ZSCAN31: variants seen among roughly 807,000 people sequenced by gnomAD.
The protein encoded by ZSCAN31 is zinc finger and SCAN domain-containing protein 31.
Under a neutral mutation model 22.5 loss-of-function variants are expected in ZSCAN31, and 14 were observed. That is an observed-to-expected ratio of 0.62 (90% CI 0.41 to 0.97). The LOEUF (loss-of-function observed/expected upper bound fraction) is 0.97, where lower values mean the gene tolerates loss of function less well. Among genes scored for constraint, ZSCAN31 ranks in the 50% least tolerant of loss-of-function variants. The pLI, the probability that ZSCAN31 is intolerant of heterozygous loss-of-function variation, is 0.00. For missense variants in ZSCAN31, 424 were observed against 483.4 expected, an observed-to-expected ratio of 0.88 and a Z score of 1.15; for synonymous variants, 168 against 169.8, an observed-to-expected ratio of 0.99 and a Z score of 0.08.
At chr6:28,344,394 G>T (rs1055630499) in intron 2 of ZSCAN31, among the ~76,000 whole-genome samples, 2 of 152,136 alleles carry the variant, frequency 1.3e-5, no homozygotes, top group Admixed American at 1.3e-4. Context: ...AGATGTGTGT[G>T]GTATGTTCAG....
In ZSCAN31 at chr6:28,347,962, T is replaced by G. The variant is rs145790190; in HGVS notation, c.-371+5900A>C. On this transcript the variant is annotated intron_variant, in intron 2 of 7. Transcript: ENST00000396838. The surrounding 1 kb of genome is among the most constrained non-coding windows in gnomAD (Gnocchi z 5.2). ...GATTTAAAATTTGCCTTTATTTAAT[T>G]GCTAATGATTAACTGTATATGCTAT... Among the ~76,000 whole-genome samples the G allele has an allele frequency of 0.013, 1,986 of 152,340 alleles. 47 individuals carry two copies. Among genetic ancestry groups the G allele is most frequent in the African/African-American group, 0.044 (1,832 of 41,570 alleles).
intron 2 of ZSCAN31, 26 bp downstream of exon 2, chr6:28,329,277 C>G: frequency 6.5e-7 from 1 of 1,543,638 alleles, no homozygotes; most frequent in Non-Finnish European, 8.7e-7. Context: ...TATTTAATGT[C>G]TAGAAGTCCA....
chr6:28,327,672 T>C, intron 2 of ZSCAN31, 139 bp from the exon 3 acceptor site: 1 of 1,019,338 alleles, frequency 9.8e-7, no homozygotes, highest in Non-Finnish European at 1.4e-6. Flanking sequence ...GTTTAATTCA[T>C]TACCCAAAAG....
intron 1 of ZSCAN31, among the ~76,000 whole-genome samples, chr6:28,334,490 C>G (rs751018093): frequency 3.3e-5 from 5 of 152,162 alleles, no homozygotes; most frequent in Non-Finnish European, 4.4e-5. Context: ...ACAACAGCAA[C>G]AAAGAGATCA....
At chr6:28,328,527 A>C (rs1763487138) in intron 2 of ZSCAN31, among the ~76,000 whole-genome samples, 1 of 152,234 alleles carries the variant, frequency 6.6e-6, no homozygotes, top group African/African-American at 2.4e-5. Context: ...TCAGAATTTA[A>C]GGTTATCTCT....
chr6:28,332,382 CT>C (rs1763820237), intron 1 of ZSCAN31: 1 of 152,200 alleles, frequency 6.6e-6, no homozygotes, highest in Admixed American at 6.5e-5. Flanking sequence ...GGAACAAATA[CT>C]TGATAGACAT....
chr6:28,333,340 T>C lies in ZSCAN31; in HGVS notation c.-96+2742A>G, dbSNP rs1309631868. On this transcript the variant is annotated intron_variant, in intron 1 of 3. Transcript: ENST00000344279. The surrounding 1 kb of genome is among the most constrained non-coding windows in gnomAD (Gnocchi z 4.1). ...TCAATAAATGTTCATTGAGCACTCA[T>C]AACATACCAGGTACTTGGCTGGGCA... is the stretch of plus-strand genomic sequence containing the variant. Among the ~76,000 whole-genome samples, 1 of 152,174 alleles carries C rather than the reference T, an allele frequency of 6.6e-6. No homozygotes were observed. The highest frequency in any genetic ancestry group is 2.4e-5 in the African/African-American group (1 of 41,430).
At chr6:28,344,762 G>T (rs1468080827) in intron 2 of ZSCAN31, among the ~76,000 whole-genome samples, 1 of 152,082 alleles carries the variant, frequency 6.6e-6, no homozygotes, top group African/African-American at 2.4e-5. Flanking sequence ...AGTTATCTTT[G>T]TGGCTACAGG....
rs1194428044 is a variant in ZSCAN31, at chr6:28,324,822, T to C, written c.*1344A>G. The C allele has an allele frequency of 6.6e-6, 1 of 152,162 alleles. No individual in the cohort carries two copies. Among genetic ancestry groups the C allele is most frequent in the Non-Finnish European group, 1.5e-5 (1 of 68,022 alleles). 9.4% of individuals were successfully genotyped at this position (152,162 alleles called of 1,614,324 possible). ...CAGGTTTTGACTGTGGAGAAAAGAGTAACAAGAATGTCAGCAGAGGCATTT... is the reference window on the plus strand; with the variant it reads ...CAGGTTTTGACTGTGGAGAAAAGAGCAACAAGAATGTCAGCAGAGGCATTT... On this transcript the variant is annotated 3_prime_UTR_variant, in exon 4 of 4. Coordinates refer to ENST00000344279, the MANE Select transcript of ZSCAN31 (RefSeq NM_030899.5). The surrounding 1 kb of genome is among the most constrained non-coding windows in gnomAD (Gnocchi z 4.8).
chr6:28,326,191 T>C lies in ZSCAN31; in HGVS notation c.1196A>G (p.Lys399Arg). 6.2e-7 allele frequency: 1 copy of C among 1,610,396 alleles called. No individual in the cohort carries two copies. Among genetic ancestry groups the C allele is most frequent in the Non-Finnish European group, 8.5e-7 (1 of 1,177,442 alleles). ...SKRTLLKKHQKIHTGERP is the reference protein window; with the variant it reads ...SKRTLLKKHQRIHTGERP ...TTATGGTCTCTCTCCAGTGTGGATT[T>C]TCTGATGTTTCTTAAGAAGTGTCCG... Residue 399 changes from lysine (K) to arginine (R), a missense_variant, in exon 4 of 4, where the codon AAA (lysine) becomes AGA (arginine). Transcript: ENST00000344279.
In ZSCAN31 at chr6:28,329,343, A is replaced by G; in HGVS notation, c.341T>C (p.Val114Ala). The change falls in exon 2 of 4, where the codon GTT (valine) becomes GCT (alanine). Residue 114 changes from valine to alanine, a missense_variant. By Grantham distance (64) the Val-to-Ala change is moderately conservative. Coordinates refer to ENST00000344279, the MANE Select transcript of ZSCAN31 (RefSeq NM_030899.5). ...ACTAAGCTCTTGTTCCAGATCTTCA[A>G]CTACAGCCACAGCCTCCTCCCCACT... ...PESGEEAVAV[V>A]EDLEQELSEP... The G allele has an allele frequency of 1.2e-6, 2 of 1,604,780 alleles. No homozygotes were observed. The highest frequency in any genetic ancestry group is 1.7e-6 in the Non-Finnish European group (2 of 1,176,230).
Position 28,327,458 on chromosome 6 carries a change from T to C in ZSCAN31, c.457A>G (p.Thr153Ala). 3 of 1,613,984 alleles carry C rather than the reference T, an allele frequency of 1.9e-6. No homozygotes were observed. Among genetic ancestry groups the C allele is most frequent in the Non-Finnish European group, 2.5e-6 (3 of 1,179,986 alleles). ...VEHLKVKQEP[T>A]DIQLQPMVTQ... ...ACCATAGGCTGAAGCTGTATGTCTG[T>C]TGGTTCCTGCTTGACCTTCAGATGT... The change falls in exon 3 of 4, where the codon ACA (threonine) becomes GCA (alanine). Residue 153 changes from threonine (T) to alanine (A), a missense_variant. Physicochemically the swap from Thr to Ala is moderately conservative, Grantham distance 58 (BLOSUM62 0). Coordinates refer to ENST00000344279, the MANE Select transcript of ZSCAN31 (RefSeq NM_030899.5).
chr6:28,344,456 C>T (rs1764552966), intron 2 of ZSCAN31, among the ~76,000 whole-genome samples: 1 of 152,104 alleles, frequency 6.6e-6, no homozygotes, highest in South Asian at 2.1e-4. Context: ...AGTGGGTGGC[C>T]CACATGTTCC....
Position 28,329,787 on chromosome 6 carries a change from A to G in ZSCAN31, c.-95-9T>C. The G allele has an allele frequency of 3.7e-6, 5 of 1,361,618 alleles. No individual in the cohort carries two copies. The highest frequency in any genetic ancestry group is 5.0e-6 in the Non-Finnish European group (5 of 1,004,954). 84.3% of individuals were successfully genotyped at this position (1,361,618 alleles called of 1,614,324 possible). On this transcript the variant is annotated splice_polypyrimidine_tract_variant and intron_variant, in intron 1 of 3. Coordinates refer to ENST00000344279, the MANE Select transcript of ZSCAN31 (RefSeq NM_030899.5). ...TCCTTAGGAGAAGACACCTGATGATAGAGCATTATATATTAATGGAAATAA... is the reference window on the plus strand; with the variant it reads ...TCCTTAGGAGAAGACACCTGATGATGGAGCATTATATATTAATGGAAATAA...
At chr6:28,326,997 C>T (rs1008857270) in intron 3 of ZSCAN31, 143 bp from the exon 4 acceptor site, 2 of 879,252 alleles carry the variant, frequency 2.3e-6, no homozygotes, top group Non-Finnish European at 1.7e-6. Flanking sequence ...TTGGGTTAAA[C>T]AGGGATGTTT....
chr6:28,346,835 TA>T (rs1442137942), intron 2 of ZSCAN31, among the ~76,000 whole-genome samples: 3 of 152,204 alleles, frequency 2.0e-5, no homozygotes, highest in Non-Finnish European at 4.4e-5. Flanking sequence ...AAATATCCTT[TA>T]TGACTTTAAG....
chr6:28,334,189 TA>T (rs1763967382), intron 1 of ZSCAN31, among the ~76,000 whole-genome samples: 1 of 152,052 alleles, frequency 6.6e-6, no homozygotes, highest in Non-Finnish European at 1.5e-5. Context: ...TACAATACAA[TA>T]AAATAAAAGC....
At chr6:28,356,197 CTT>C (rs1376493617), upstream of ZSCAN31, 1 of 152,244 alleles carries the variant, frequency 6.6e-6, no homozygotes, top group Non-Finnish European at 1.5e-5. Flanking sequence ...ACAGGAAAGA[CTT>C]TACATTTCTG....
At chr6:28,328,695 TTAAAG>T (rs1227951980) in intron 2 of ZSCAN31, among the ~76,000 whole-genome samples, 5 of 152,118 alleles carry the variant, frequency 3.3e-5, no homozygotes, top group Non-Finnish European at 7.4e-5. Context: ...GATTAAGAGA[TTAAAG>T]TAAAGACAGG....
Sources: allele counts gnomAD v4.1 joint callset (sites outside exome capture counted in the v4.1 genomes callset), GRCh38; gene constraint gnomAD v4.1.1; non-coding constraint Gnocchi (gnomAD v3.1); transcripts MANE v1.5; gene names NCBI Gene and HGNC (gene_info 2026-07-23, HGNC 2026-07-21).